GFRA2: variants seen among roughly 807,000 people sequenced by gnomAD.
GFRA2 encodes GDNF family receptor alpha 2.
A neutral mutation model predicts 48.3 loss-of-function variants in GFRA2; 17 were observed. That is an observed-to-expected ratio of 0.35 (90% CI 0.24 to 0.53). The LOEUF (loss-of-function observed/expected upper bound fraction) is 0.53. Among genes scored for constraint, GFRA2 ranks in the 20% least tolerant of loss-of-function variants. The pLI, the probability that GFRA2 is intolerant of heterozygous loss-of-function variation, is 0.93. For synonymous variants in GFRA2, 305 were observed against 257.2 expected, an observed-to-expected ratio of 1.19 and a Z score of -1.78; for missense variants, 660 against 637.3, an observed-to-expected ratio of 1.04 and a Z score of -0.38.
intron 4 of GFRA2, among the ~76,000 whole-genome samples, chr8:21,728,684 C>G (rs945289318): frequency 1.1e-4 from 17 of 152,154 alleles, no homozygotes; most frequent in African/African-American, 3.9e-4. Context: ...CAGAATAGGC[C>G]CTGCTTCAAG....
chr8:21,803,791 C>T (rs1807811699), intron 2 of GFRA2, among the ~76,000 whole-genome samples: 1 of 152,274 alleles, frequency 6.6e-6, no homozygotes, highest in South Asian at 2.1e-4. Flanking sequence ...AACCACCACA[C>T]CTGCTTAATT....
intron 3 of GFRA2, among the ~76,000 whole-genome samples, chr8:21,772,026 T>G (rs1437571271): frequency 6.6e-6 from 1 of 152,092 alleles, no homozygotes; most frequent in Non-Finnish European, 1.5e-5. Context: ...TGCCCGGATA[T>G]TGACAAGCAG....
At chr8:21,717,670 A>G (rs1410858109) in intron 4 of GFRA2, among the ~76,000 whole-genome samples, 1 of 152,320 alleles carries the variant, frequency 6.6e-6, no homozygotes, top group Admixed American at 6.5e-5. Context: ...CTGACTGTCT[A>G]TCCTAAGACA....
At chr8:21,720,218 T>C (rs1261892342) in intron 4 of GFRA2, among the ~76,000 whole-genome samples, 1 of 152,174 alleles carries the variant, frequency 6.6e-6, no homozygotes, top group Non-Finnish European at 1.5e-5. Flanking sequence ...CTCAGTGGCA[T>C]TTTAGGCTGA....
intron 1 of GFRA2, among the ~76,000 whole-genome samples, chr8:21,809,097 G>A (rs1585356480): frequency 6.6e-6 from 1 of 152,304 alleles, no homozygotes; most frequent in Non-Finnish European, 1.5e-5. Flanking sequence ...GATGGGTAAA[G>A]CAAGGCAGAG....
At chr8:21,800,559 T>C (rs1807751658) in intron 2 of GFRA2, among the ~76,000 whole-genome samples, 1 of 152,248 alleles carries the variant, frequency 6.6e-6, no homozygotes. Flanking sequence ...TCTGGGCTTC[T>C]GTGAGGTAAC....
chr8:21,718,580 C>T (rs569040388), intron 4 of GFRA2, among the ~76,000 whole-genome samples: 9 of 152,310 alleles, frequency 5.9e-5, no homozygotes, highest in African/African-American at 1.9e-4. Flanking sequence ...ACCACCCAAT[C>T]CTTAGCATGA....
chr8:21,738,731 A>G (rs1175193358), intron 4 of GFRA2, among the ~76,000 whole-genome samples: 1 of 152,100 alleles, frequency 6.6e-6, no homozygotes, highest in Non-Finnish European at 1.5e-5. Flanking sequence ...CCCAGCTTAG[A>G]CATCACCTCC....
chr8:21,724,224 TTG>T (rs1339113608), intron 4 of GFRA2, among the ~76,000 whole-genome samples: 1 of 151,904 alleles, frequency 6.6e-6, no homozygotes, highest in East Asian at 1.9e-4. Context: ...GCAGATGGTC[TTG>T]TGTGGGGGGC....
intron 2 of GFRA2, among the ~76,000 whole-genome samples, chr8:21,775,718 TTCCATCTGCGTGG>T (rs1390721814): frequency 6.6e-6 from 1 of 152,156 alleles, no homozygotes; most frequent in African/African-American, 2.4e-5. Flanking sequence ...GATCCCCAGC[TTCCATCTGCGTGG>T]TCCCTCTCCT....
chr8:21,794,497 C>T lies in GFRA2; in HGVS notation c.-35-6303G>A, dbSNP rs936320166. On this transcript the variant is annotated intron_variant, in intron 2 of 10. Transcript: ENST00000517328. ...AACTCTTGACCTCAGGTGATCCACC[C>T]GCCTTGGCCTCCCAAAGTGCTGGGA... 4.8e-3 allele frequency among the ~76,000 whole-genome samples: 726 copies of T among 151,534 alleles called. 5 individuals are homozygous for T. Among genetic ancestry groups the T allele is most frequent in the African/African-American group, 0.016 (653 of 41,304 alleles).
In GFRA2 at chr8:21,750,134, G is replaced by A. The variant is rs187000141; in HGVS notation, c.794+454C>T. On this transcript the variant is annotated intron_variant, in intron 4 of 8. Coordinates refer to ENST00000524240, the MANE Select transcript of GFRA2 (RefSeq NM_001495.5). The surrounding 1 kb of genome is among the most constrained non-coding windows in gnomAD (Gnocchi z 5.7). ...ACGCACATATATAGGTAGAGACTGA[G>A]TTTTGCTATGTTGCCCAGGATGGTC... Among the ~76,000 whole-genome samples the A allele has an allele frequency of 1.4e-5, 2 of 144,634 alleles. No homozygotes were observed. Among genetic ancestry groups the A allele is most frequent in the African/African-American group, 4.9e-5 (2 of 40,818 alleles). The allele number at this position is 144,634 out of a possible 152,430, so 94.9% of individuals were successfully genotyped here. A position where few individuals can be genotyped will look rare whatever the true frequency, so the allele number is the denominator to read the frequency against.
upstream of GFRA2, among the ~76,000 whole-genome samples, chr8:21,792,929 C>T (rs911286905): frequency 1.2e-4 from 19 of 152,250 alleles, no homozygotes; most frequent in East Asian, 2.7e-3. Context: ...TATCCAGGTG[C>T]GGTGGCGCAC....
intron 2 of GFRA2, among the ~76,000 whole-genome samples, chr8:21,775,374 C>A (rs2117709036): frequency 6.6e-6 from 1 of 152,336 alleles, no homozygotes; most frequent in East Asian, 1.9e-4. Flanking sequence ...GCAGGTGCAT[C>A]TGGGGGAAGT....
intron 2 of GFRA2, among the ~76,000 whole-genome samples, chr8:21,799,897 C>A (rs2117112161): frequency 6.6e-6 from 1 of 152,282 alleles, no homozygotes; most frequent in Admixed American, 6.5e-5. Flanking sequence ...GAGCTGGTGG[C>A]TTCTAAATAA....
intron 3 of GFRA2, among the ~76,000 whole-genome samples, chr8:21,752,814 T>C (rs1805363982): frequency 6.6e-6 from 1 of 152,152 alleles, no homozygotes; most frequent in Admixed American, 6.5e-5. Context: ...CAGTAGCCCA[T>C]GCCAAAACTC....
intron 4 of GFRA2, among the ~76,000 whole-genome samples, chr8:21,739,774 C>G (rs1804660604): frequency 6.6e-6 from 1 of 152,172 alleles, no homozygotes; most frequent in Non-Finnish European, 1.5e-5. Flanking sequence ...GGCACCTCTC[C>G]AACAGCCCCT....
At chr8:21,786,759 C>A (rs1807290232) in intron 1 of GFRA2, among the ~76,000 whole-genome samples, 1 of 152,142 alleles carries the variant, frequency 6.6e-6, no homozygotes, top group African/African-American at 2.4e-5. Flanking sequence ...TGTGTGGACA[C>A]CCAATGACTC....
intron 3 of GFRA2, among the ~76,000 whole-genome samples, chr8:21,752,688 A>C (rs1805356396): frequency 6.6e-6 from 1 of 151,896 alleles, no homozygotes; most frequent in South Asian, 2.1e-4. Flanking sequence ...CAAGCCTAAT[A>C]CCCAAATCTC....
Sources: allele counts gnomAD v4.1 joint callset (sites outside exome capture counted in the v4.1 genomes callset), GRCh38; gene constraint gnomAD v4.1.1; non-coding constraint Gnocchi (gnomAD v3.1); transcripts MANE v1.5; gene names NCBI Gene and HGNC (gene_info 2026-07-23, HGNC 2026-07-21).